TRMT61B: variants seen among roughly 807,000 people sequenced by gnomAD.
The protein encoded by TRMT61B is tRNA methyltransferase 61B.
In TRMT61B, 56 loss-of-function variants were observed where a neutral mutation model predicts 52.0. The ratio of observed to expected loss-of-function variants is 1.08; its 90% confidence interval spans 0.87 to 1.35. The LOEUF is 1.35. Ranked by LOEUF, TRMT61B falls within the 40% of genes most tolerant of loss-of-function variation. The pLI, the probability that TRMT61B is intolerant of heterozygous loss-of-function variation, is 0.00. For synonymous variants in TRMT61B, 206 were observed against 220.0 expected (o/e 0.94, Z 0.56); for missense variants, 650 against 577.9 (o/e 1.12, Z -1.28).
At chr2:28,866,964 T>A (rs1165544122) in intron 1 of TRMT61B, among the ~76,000 whole-genome samples, 1 of 149,598 alleles carries the variant, frequency 6.7e-6, no homozygotes, top group Non-Finnish European at 1.5e-5. Flanking sequence ...CCCAACTAAT[T>A]TTTTTTTTAT....
rs146514468 is a variant in TRMT61B at position 28,861,126 on chromosome 2, A to T, written c.985T>A (p.Phe329Ile). ...GATEDIKSLT[F>I]DAVALDMLNP... ...CACGTTAGAAAACTTACTGCGTCAA[A>T]TGTTAAAGATTTTATGTCTTCGGTT... Residue 329 changes from phenylalanine to isoleucine, a missense_variant, in exon 3 of 7, where the codon TTT becomes ATT. Physicochemically the swap from Phe to Ile is conservative, Grantham distance 21. Transcript: ENST00000306108. The T allele has an allele frequency of 5.9e-4, 949 of 1,599,702 alleles. 5 individuals carry two copies. In the African/African-American group the frequency reaches 0.011, roughly 18 times the overall value.
rs1467969462 is a variant in TRMT61B, at chr2:28,861,228, G to T, written c.883C>A (p.Arg295Ser). 4 of 1,613,474 alleles carry T rather than the reference G, an allele frequency of 2.5e-6. No homozygotes were observed. The highest frequency in any genetic ancestry group is 2.5e-6 in the Non-Finnish European group (3 of 1,179,796). Residue 295 changes from arginine (R) to serine (S), a missense_variant, in exon 3 of 7, where the codon CGT becomes AGT. Coordinates refer to ENST00000306108, the MANE Select transcript of TRMT61B (RefSeq NM_017910.4). ...ACATGACTTAATTTCCATGAATCAC[G>T]CCAGTGTTTGTAATTCTTCTTAGCC... ...DLAKKNYKHW[R>S]DSWKLSHVEE...
chr2:28,852,419 T>C lies in TRMT61B; in HGVS notation c.1074A>G (p.Val358=), dbSNP rs766525224. Residue 358 remains valine, a synonymous_variant, in exon 4 of 7, where the codon GTA becomes GTG. Transcript: ENST00000306108. The part of the protein sequence containing the change: ...PHLKHGGVCA[V]YVVNITQVIE... ...GTTATATTACTCACTTTACTACATA[T>C]ACAGCACATACACCACCATGCTTAA... 11 of 1,596,372 alleles carry C rather than the reference T, an allele frequency of 6.9e-6. No homozygotes were observed. Among genetic ancestry groups the C allele is most frequent in the African/African-American group, 1.3e-5 (1 of 74,194 alleles).
intron 2 of TRMT61B, among the ~76,000 whole-genome samples, chr2:28,862,864 TTGTG>T (rs34139201): frequency 0.33 from 47,171 of 143,696 alleles, 7,997 homozygotes; most frequent in East Asian, 0.57. Flanking sequence ...GTATTTGTAT[TTGTG>T]TGTGTGTGTG....
intron 3 of TRMT61B, among the ~76,000 whole-genome samples, chr2:28,858,112 C>T (rs987583788): frequency 6.7e-6 from 1 of 149,428 alleles, no homozygotes; most frequent in African/African-American, 2.5e-5. Flanking sequence ...GCCATCTCGG[C>T]TCACTGCAAG....
At position 28,865,010 on chromosome 2, in the gene TRMT61B, C is replaced by T; in HGVS notation, c.802+7G>A. ...TTACTGAGATCCAGCTCAGTCCAATCTCTTACCTGCTTTGGATAAAAATAA... is the reference window on the plus strand; with the variant it reads ...TTACTGAGATCCAGCTCAGTCCAATTTCTTACCTGCTTTGGATAAAAATAA... On this transcript the variant is annotated splice_region_variant and intron_variant, in intron 2 of 6. Transcript: ENST00000306108. The T allele has an allele frequency of 6.3e-7, 1 of 1,577,734 alleles. No homozygotes were observed. Among genetic ancestry groups the T allele is most frequent in the Non-Finnish European group, 8.7e-7 (1 of 1,147,386 alleles).
intron 3 of TRMT61B, among the ~76,000 whole-genome samples, chr2:28,857,331 G>A (rs1037353456): frequency 2.6e-5 from 4 of 151,856 alleles, no homozygotes; most frequent in Admixed American, 2.0e-4. Context: ...CACAGCACAC[G>A]ACACATGGCA....
At chr2:28,865,766 C>T (rs562451796) in intron 1 of TRMT61B, among the ~76,000 whole-genome samples, 189 of 150,894 alleles carry the variant, frequency 1.3e-3, no homozygotes, top group Non-Finnish European at 2.2e-3. Context: ...CTGCAACCTC[C>T]GCCTCCCGGG....
chr2:28,865,203 CAGA>C lies in TRMT61B; in HGVS notation c.700-87_700-85del, dbSNP rs1192228525. 9 of 752,590 alleles carry C rather than the reference CAGA, an allele frequency of 1.2e-5. No individual in the cohort carries two copies. The African/African-American group carries it at 1.2e-4, about 10-fold the overall frequency. The allele number at this position is 752,590 out of a possible 1,614,324, so 46.6% of individuals were successfully genotyped here. ...GTCTTATCTTACATTGTTGGGTGTGCAGAAGAAGGGAGTGAAAAAACGAATCAG... is the reference window on the plus strand; with the variant it reads ...GTCTTATCTTACATTGTTGGGTGTGCAGAAGGGAGTGAAAAAACGAATCAG... On this transcript the variant is annotated intron_variant, in intron 1 of 6. Transcript: ENST00000306108.
intron 3 of TRMT61B, among the ~76,000 whole-genome samples, chr2:28,854,683 G>A (rs1318206358): frequency 2.0e-5 from 3 of 146,344 alleles, no homozygotes; most frequent in Admixed American, 7.0e-5. Context: ...GAGTTGCAGT[G>A]AGCAGAGATC....
At position 28,851,056 on chromosome 2, in the gene TRMT61B, T is replaced by C. The variant is rs1260248030; in HGVS notation, c.1312+16A>G. ...TCCATTCATTACTGCATGCATAAAG[T>C]AAAACTGAAGCTCACCATGGTCATC... On this transcript the variant is annotated intron_variant, in intron 5 of 6. Coordinates refer to ENST00000306108, the MANE Select transcript of TRMT61B (RefSeq NM_017910.4). The C allele has an allele frequency of 6.4e-7, 1 of 1,560,200 alleles. No homozygotes were observed. Among genetic ancestry groups the C allele is most frequent in the Admixed American group, 1.8e-5 (1 of 56,210 alleles).
In TRMT61B at chr2:28,861,110, A is replaced by G. The variant is rs191714824; in HGVS notation, c.993+8T>C. 2.3e-4 allele frequency: 358 copies of G among 1,588,592 alleles called. No homozygotes were observed. The African/African-American group carries it at 4.5e-3, about 20-fold the overall frequency. On this transcript the variant is annotated splice_region_variant and intron_variant, in intron 3 of 6. Transcript: ENST00000306108. The stretch of plus-strand genomic sequence containing the variant: ...GTAATAACACAGGACCCACGTTAGA[A>G]AACTTACTGCGTCAAATGTTAAAGA...
chr2:28,850,318 C>T lies in TRMT61B; in HGVS notation c.1390+10G>A. The T allele has an allele frequency of 1.9e-6, 3 of 1,606,512 alleles. No individual in the cohort carries two copies. The highest frequency in any genetic ancestry group is 2.6e-6 in the Non-Finnish European group (3 of 1,174,732). ...AACACCATTTAATATGTTCTGAAAA[C>T]ATTACTCACCTGTATGACCAGGTTG... is the stretch of plus-strand genomic sequence containing the variant. On this transcript the variant is annotated intron_variant, in intron 6 of 6. Coordinates refer to ENST00000306108, the MANE Select transcript of TRMT61B (RefSeq NM_017910.4).
chr2:28,851,685 G>C (rs2148117958), intron 4 of TRMT61B, among the ~76,000 whole-genome samples: 1 of 152,134 alleles, frequency 6.6e-6, no homozygotes, highest in Admixed American at 6.5e-5. Context: ...TTCCAGACCA[G>C]CCTGGCCAAC....
chr2:28,858,985 C>A (rs1308874480), intron 3 of TRMT61B, among the ~76,000 whole-genome samples: 1 of 151,280 alleles, frequency 6.6e-6, no homozygotes, highest in Non-Finnish European at 1.5e-5. Context: ...ACCTCCGCCT[C>A]CCAGGTTCAA....
intron 3 of TRMT61B, among the ~76,000 whole-genome samples, chr2:28,852,749 C>T (rs146492148): frequency 6.6e-6 from 1 of 151,416 alleles, no homozygotes; most frequent in African/African-American, 2.4e-5. Context: ...CATTTGAGGC[C>T]GAGTTTGAGA....
intron 1 of TRMT61B, among the ~76,000 whole-genome samples, chr2:28,868,287 T>C (rs575717958): frequency 8.5e-5 from 13 of 152,260 alleles, no homozygotes; most frequent in African/African-American, 3.1e-4. Context: ...AACAATTCTC[T>C]TCCTAGATCT....
intron 1 of TRMT61B, among the ~76,000 whole-genome samples, chr2:28,865,671 CCTT>C (rs1669807453): frequency 1.8e-5 from 2 of 110,296 alleles, no homozygotes; most frequent in African/African-American, 6.8e-5. Flanking sequence ...TGATGAATTT[CCTT>C]TTTTTTTTTT....
At chr2:28,868,253 C>G (rs1669932481) in intron 1 of TRMT61B, among the ~76,000 whole-genome samples, 1 of 152,240 alleles carries the variant, frequency 6.6e-6, no homozygotes, top group Non-Finnish European at 1.5e-5. Flanking sequence ...AACAGAAACT[C>G]TGCAGCATTC....
Sources: allele counts gnomAD v4.1 joint callset (sites outside exome capture counted in the v4.1 genomes callset), GRCh38; gene constraint gnomAD v4.1.1; transcripts MANE v1.5; gene names NCBI Gene and HGNC (gene_info 2026-07-23, HGNC 2026-07-21).